Variants in PRKCE observed in about 807,000 individuals in gnomAD.
PRKCE encodes the protein protein kinase C epsilon.
PRKCE carries 16 observed loss-of-function variants against 85.4 expected under a neutral mutation model. The observed-to-expected ratio is 0.19, with a 90% CI of 0.13 to 0.28. The LOEUF is 0.28. Among genes scored for constraint, PRKCE ranks in the 10% least tolerant of loss-of-function variants. The pLI, the probability that PRKCE is intolerant of heterozygous loss-of-function variation, is 1.00. For synonymous variants in PRKCE, 388 were observed against 371.5 expected, an observed-to-expected ratio of 1.04 and a Z score of -0.51; for missense variants, 573 against 975.2, an observed-to-expected ratio of 0.59 and a Z score of 5.49.
rs373018394 is a variant in PRKCE, at chr2:45,718,481, A to C, written c.348+66033A>C. Among the ~76,000 whole-genome samples the C allele has an allele frequency of 2.3e-3, 343 of 150,872 alleles. 1 individual carries two copies. The highest frequency in any genetic ancestry group is 8.1e-3 in the African/African-American group (330 of 40,982). ...TGCCTCAGCCTCCTGAGTAGCTGGG[A>C]TGACAGGCACGCACCACTACACTCA... On this transcript the variant is annotated intron_variant, in intron 1 of 14. Coordinates refer to ENST00000306156, the MANE Select transcript of PRKCE (RefSeq NM_005400.3).
chr2:45,691,974 T>G (rs913819566), intron 1 of PRKCE, among the ~76,000 whole-genome samples: 2 of 152,204 alleles, frequency 1.3e-5, no homozygotes, highest in African/African-American at 4.8e-5. Flanking sequence ...CGTTGTTCTA[T>G]CTTAGGAAAA....
At chr2:45,669,117 G>A (rs1036136758) in intron 1 of PRKCE, among the ~76,000 whole-genome samples, 1 of 152,124 alleles carries the variant, frequency 6.6e-6, no homozygotes, top group African/African-American at 2.4e-5. Flanking sequence ...ACAAGAGAAC[G>A]TGTCTCTTTC....
intron 14 of PRKCE, among the ~76,000 whole-genome samples, chr2:46,175,808 T>A (rs1244363213): frequency 1.3e-5 from 2 of 151,986 alleles, no homozygotes; most frequent in Non-Finnish European, 2.9e-5. Flanking sequence ...ATGAACTTGC[T>A]ATGTGTTGGA....
At position 46,186,628 on chromosome 2, in the gene PRKCE, A is replaced by T. The variant is rs1558542480; in HGVS notation, c.*1747A>T. 1 of 152,556 alleles carries T rather than the reference A, an allele frequency of 6.6e-6. No homozygotes were observed. Among genetic ancestry groups the T allele is most frequent in the Non-Finnish European group, 1.5e-5 (1 of 68,028 alleles). The allele number at this position is 152,556 out of a possible 1,614,324, so 9.5% of individuals were successfully genotyped here. A position where few individuals can be genotyped will look rare whatever the true frequency, so the allele number is the denominator to read the frequency against. On this transcript the variant is annotated 3_prime_UTR_variant, in exon 15 of 15. Transcript: ENST00000306156. ...TGTTTATTTCATTTTGGTTTATTTT[A>T]AAAGATGTAAACATATATTAAGCTA...
chr2:45,770,087 G>C (rs577460783), intron 1 of PRKCE, among the ~76,000 whole-genome samples: 1 of 152,206 alleles, frequency 6.6e-6, no homozygotes, highest in Non-Finnish European at 1.5e-5. Flanking sequence ...TTCTCTATGC[G>C]CATGTCTTTT....
At chr2:45,872,290 G>T (rs1694156327) in intron 2 of PRKCE, among the ~76,000 whole-genome samples, 1 of 152,164 alleles carries the variant, frequency 6.6e-6, no homozygotes, top group African/African-American at 2.4e-5. Flanking sequence ...CAAGTGCAAA[G>T]ACCCTGCAAG....
intron 1 of PRKCE, among the ~76,000 whole-genome samples, chr2:45,811,416 GA>G (rs1688643805): frequency 6.6e-6 from 1 of 152,098 alleles, no homozygotes; most frequent in Non-Finnish European, 1.5e-5. Context: ...GTTTGAGCTG[GA>G]AAAAAATTAT....
chr2:45,809,140 C>G (rs1051198409), intron 1 of PRKCE, among the ~76,000 whole-genome samples: 4 of 152,042 alleles, frequency 2.6e-5, no homozygotes, highest in African/African-American at 9.7e-5. Flanking sequence ...GACTAGGGCC[C>G]CCTTCTAGTC....
At chr2:45,903,911 G>T (rs139831443) in intron 2 of PRKCE, among the ~76,000 whole-genome samples, 2,711 of 82,544 alleles carry the variant, frequency 0.033, 159 homozygotes, top group East Asian at 0.088. Flanking sequence ...TTGTTTGTTT[G>T]TTTGTTTTTT....
intron 11 of PRKCE, among the ~76,000 whole-genome samples, chr2:46,130,395 G>A (rs1436759045): frequency 6.6e-6 from 1 of 151,658 alleles, no homozygotes; most frequent in East Asian, 1.9e-4. Context: ...TTATATATAA[G>A]TATATAGTAT....
chr2:45,953,625 C>G (rs1242374914), intron 2 of PRKCE, among the ~76,000 whole-genome samples: 1 of 152,174 alleles, frequency 6.6e-6, no homozygotes, highest in South Asian at 2.1e-4. Context: ...TCCCTCGATG[C>G]CTCTCCTACT....
intron 10 of PRKCE, among the ~76,000 whole-genome samples, chr2:46,026,236 A>C (rs1707100090): frequency 6.6e-6 from 1 of 152,184 alleles, no homozygotes; most frequent in Admixed American, 6.5e-5. Flanking sequence ...TCATGGGGAG[A>C]GTATACGAAG....
At chr2:46,171,548 G>A (rs765081993) in intron 14 of PRKCE, among the ~76,000 whole-genome samples, 7 of 152,134 alleles carry the variant, frequency 4.6e-5, no homozygotes, top group Non-Finnish European at 7.4e-5. Flanking sequence ...GCACAGCCTC[G>A]GGGTCAGAAC....
chr2:45,785,622 A>T (rs1686541205), intron 1 of PRKCE, among the ~76,000 whole-genome samples: 1 of 152,176 alleles, frequency 6.6e-6, no homozygotes, highest in Non-Finnish European at 1.5e-5. Flanking sequence ...TCCCTGTGGG[A>T]TGGATGAGGA....
At position 46,007,681 on chromosome 2, in the gene PRKCE, G is replaced by A. The variant is rs1045056497; in HGVS notation, c.1263+20G>A. On this transcript the variant is annotated intron_variant, in intron 9 of 14. Transcript: ENST00000306156. ...GGCAAGGTCTGTGGCACACACGGGT[G>A]GAACTGCTGGTTTTGTTCTACTCCT... The A allele has an allele frequency of 1.3e-6, 2 of 1,596,834 alleles. No individual in the cohort carries two copies. Among genetic ancestry groups the A allele is most frequent in the Non-Finnish European group, 1.7e-6 (2 of 1,177,988 alleles).
At chr2:45,927,577 A>T (rs752092631) in intron 2 of PRKCE, among the ~76,000 whole-genome samples, 1 of 152,178 alleles carries the variant, frequency 6.6e-6, no homozygotes, top group Non-Finnish European at 1.5e-5. Flanking sequence ...TGTACTGCTG[A>T]TCCAGAGATT....
chr2:45,904,562 C>G (rs937092418), intron 2 of PRKCE, among the ~76,000 whole-genome samples: 3 of 152,110 alleles, frequency 2.0e-5, no homozygotes, highest in African/African-American at 7.2e-5. Context: ...GTGGGTTGGG[C>G]TCTGGGCATT....
At chr2:45,745,479 G>C (rs552295106) in intron 1 of PRKCE, among the ~76,000 whole-genome samples, 1 of 152,276 alleles carries the variant, frequency 6.6e-6, no homozygotes, top group Admixed American at 6.5e-5. Flanking sequence ...GCCCTTGGGA[G>C]ACCTGATCTC....
intron 1 of PRKCE, among the ~76,000 whole-genome samples, chr2:45,781,210 G>T (rs1686161694): frequency 6.6e-6 from 1 of 152,012 alleles, no homozygotes; most frequent in South Asian, 2.1e-4. Flanking sequence ...TGTGGAGTAT[G>T]TCTGTGATCC....
Sources: gnomAD v4.1 joint callset for allele counts (sites outside exome capture counted in the v4.1 genomes callset) on GRCh38, gnomAD v4.1.1 for gene constraint, MANE v1.5 for transcripts, NCBI Gene and HGNC (gene_info 2026-07-23, HGNC 2026-07-21) for gene names.